Variants in ABCA13 observed in about 807,000 individuals in gnomAD.
The protein encoded by ABCA13 is ATP binding cassette subfamily A member 13, also known as ATP-binding cassette sub-family A member 13.
A neutral mutation model predicts 478.7 loss-of-function variants in ABCA13; 476 were observed. The observed-to-expected ratio is 0.99, with a 90% CI of 0.92 to 1.07. The LOEUF (loss-of-function observed/expected upper bound fraction) is 1.07, where lower values mean the gene tolerates loss of function less well. ABCA13 is among the 50% of genes least tolerant of loss of function. The pLI, the probability that ABCA13 is intolerant of heterozygous loss-of-function variation, is 0.00. For synonymous variants in ABCA13, 2,252 were observed against 2,158.9 expected (o/e 1.04, Z -1.20); for missense variants, 6,060 against 5,910.6 (o/e 1.03, Z -0.83).
intron 38 of ABCA13, among the ~76,000 whole-genome samples, chr7:48,393,528 A>G (rs747718495): frequency 2.0e-5 from 3 of 152,230 alleles, no homozygotes; most frequent in Non-Finnish European, 4.4e-5. Context: ...TTATTTTACA[A>G]TATTTTTGCA....
chr7:48,580,170 T>C, intron 55 of ABCA13, 54 bp from the exon 56 acceptor site: 2 of 1,503,990 alleles, frequency 1.3e-6, no homozygotes, highest in East Asian at 4.7e-5. Context: ...TAAAAATGGG[T>C]TGGTGCCAGT....
chr7:48,187,019 G>GTATATA (rs773804724), intron 1 of ABCA13, among the ~76,000 whole-genome samples: 1,860 of 145,102 alleles, frequency 0.013, 11 homozygotes, highest in Middle Eastern at 0.033. Context: ...ATGTGTGTGT[G>GTATATA]TATATATATA....
intron 31 of ABCA13, among the ~76,000 whole-genome samples, chr7:48,353,023 C>T (rs991965802): frequency 6.6e-6 from 1 of 151,884 alleles, no homozygotes; most frequent in Non-Finnish European, 1.5e-5. Context: ...AGGGCTGGAG[C>T]AGCTGGACAA....
chr7:48,353,556 C>T (rs182685222), intron 31 of ABCA13, among the ~76,000 whole-genome samples: 7 of 151,492 alleles, frequency 4.6e-5, no homozygotes, highest in African/African-American at 1.5e-4. Flanking sequence ...CTGACTGGGG[C>T]AGAGCCATGG....
intron 45 of ABCA13, among the ~76,000 whole-genome samples, chr7:48,472,867 G>T (rs6960177): frequency 1.3e-5 from 2 of 152,014 alleles, no homozygotes; most frequent in Non-Finnish European, 2.9e-5. Flanking sequence ...CATGCATTAG[G>T]GGCGGAACCC....
At chr7:48,301,033 T>G (rs1328569309) in intron 23 of ABCA13, among the ~76,000 whole-genome samples, 1 of 152,206 alleles carries the variant, frequency 6.6e-6, no homozygotes, top group Non-Finnish European at 1.5e-5. Context: ...CAATCAAAAG[T>G]CGGCCCTCTG....
Position 48,288,148 on chromosome 7 carries a change from A to T in ABCA13, c.8955+70A>T, listed in dbSNP as rs1798022010. On this transcript the variant is annotated intron_variant, in intron 20 of 61. Transcript: ENST00000435803. Reference sequence around the variant, plus strand: ...TTGGCCCTTGCAAGGCAGTCCAGTTATTCAAACTTGCTGCTTCGTTCTTAT... The same window carrying T: ...TTGGCCCTTGCAAGGCAGTCCAGTTTTTCAAACTTGCTGCTTCGTTCTTAT... 2.2e-6 allele frequency: 3 copies of T among 1,370,066 alleles called. No homozygotes were observed. The East Asian group carries it at 6.9e-5, about 31-fold the overall frequency. The allele number at this position is 1,370,066 out of a possible 1,614,324, so 84.9% of individuals were successfully genotyped here.
intron 59 of ABCA13, among the ~76,000 whole-genome samples, chr7:48,642,992 A>T (rs970463265): frequency 4.6e-5 from 7 of 152,048 alleles, no homozygotes; most frequent in African/African-American, 1.7e-4. Flanking sequence ...CTAGCTCAGG[A>T]CTTTGCTTTC....
chr7:48,310,735 G>A (rs1331637912), intron 24 of ABCA13, among the ~76,000 whole-genome samples: 1 of 152,138 alleles, frequency 6.6e-6, no homozygotes, highest in Non-Finnish European at 1.5e-5. Flanking sequence ...GGAGGGACTG[G>A]AGGAAGCTAA....
intron 20 of ABCA13, among the ~76,000 whole-genome samples, chr7:48,293,145 G>C (rs1468456522): frequency 6.7e-6 from 1 of 149,832 alleles, no homozygotes; most frequent in South Asian, 2.1e-4. Flanking sequence ...AGTGGCATGA[G>C]TGCTCTGATC....
Position 48,274,751 on chromosome 7 carries a change from T to C in ABCA13, c.5085T>C (p.Asn1695=), listed in dbSNP as rs1396564069. The change falls in exon 17 of 62, where the codon AAT becomes AAC. Residue 1695 remains asparagine (N), a synonymous_variant. Transcript: ENST00000435803. ...TAAACCTAATGGATTTCTTTAAGAA[T>C]ATCAGTAGTGTGGGAACTGGCAATT... ...VSVNLMDFFK[N]ISSVGTGNLV... is the part of the protein sequence containing the mutation. The C allele has an allele frequency of 1.9e-6, 3 of 1,614,004 alleles. No homozygotes were observed. In the Admixed American group the frequency reaches 5.0e-5, roughly 27 times the overall value.
At chr7:48,221,693 G>T (rs755238604) in intron 5 of ABCA13, among the ~76,000 whole-genome samples, 10 of 152,192 alleles carry the variant, frequency 6.6e-5, no homozygotes, top group Non-Finnish European at 1.3e-4. Flanking sequence ...TTATCAACAG[G>T]GGGGATTTTG....
intron 6 of ABCA13, among the ~76,000 whole-genome samples, chr7:48,227,899 A>C (rs927161702): frequency 6.6e-6 from 1 of 152,190 alleles, no homozygotes; most frequent in Non-Finnish European, 1.5e-5. Context: ...AGAACTGATA[A>C]GCTCAGTTGC....
intron 41 of ABCA13, among the ~76,000 whole-genome samples, chr7:48,416,907 A>G (rs925046445): frequency 6.7e-6 from 1 of 148,962 alleles, no homozygotes; most frequent in Non-Finnish European, 1.5e-5. Context: ...ATTCTAAACC[A>G]GTCTTGGAAT....
chr7:48,402,314 C>G (rs543700478), intron 38 of ABCA13, among the ~76,000 whole-genome samples: 8 of 152,310 alleles, frequency 5.3e-5, no homozygotes, highest in Admixed American at 2.6e-4. Context: ...TCTCTGCTGA[C>G]TGATCTCTGG....
At chr7:48,282,385 A>G (rs912399437) in intron 19 of ABCA13, among the ~76,000 whole-genome samples, 2 of 152,218 alleles carry the variant, frequency 1.3e-5, no homozygotes, top group African/African-American at 4.8e-5. Context: ...TCTCCTGAGC[A>G]GGGCTGCCCA....
intron 59 of ABCA13, among the ~76,000 whole-genome samples, chr7:48,639,279 A>G (rs925277699): frequency 1.4e-4 from 21 of 152,222 alleles, no homozygotes; most frequent in African/African-American, 3.6e-4. Context: ...ACCCTTCCTC[A>G]GTGCCATCCT....
At chr7:48,488,004 C>T (rs1411132670) in intron 47 of ABCA13, among the ~76,000 whole-genome samples, 2 of 152,080 alleles carry the variant, frequency 1.3e-5, no homozygotes, top group African/African-American at 4.8e-5. Flanking sequence ...TCACAAAATC[C>T]CACTCTGTTT....
At chr7:48,479,997 G>A (rs993368490) in intron 45 of ABCA13, among the ~76,000 whole-genome samples, 3 of 152,172 alleles carry the variant, frequency 2.0e-5, no homozygotes, top group Admixed American at 1.3e-4. Flanking sequence ...AATATTTATG[G>A]ATTTTCGAAT....
Sources: gnomAD v4.1 joint callset for allele counts (sites outside exome capture counted in the v4.1 genomes callset) on GRCh38, gnomAD v4.1.1 for gene constraint, MANE v1.5 for transcripts, NCBI Gene and HGNC (gene_info 2026-07-23, HGNC 2026-07-21) for gene names.